The following UBE3C variants were observed in gnomAD, a reference collection of about 807,000 sequenced individuals.
UBE3C encodes the protein ubiquitin-protein ligase E3C.
Under a neutral mutation model 129.4 loss-of-function variants are expected in UBE3C, and 42 were observed. The observed-to-expected ratio is 0.32, with a 90% confidence interval of 0.25 to 0.42. UBE3C has a LOEUF of 0.42. Ranked by LOEUF, UBE3C falls within the 10% of genes least tolerant of loss-of-function variation. UBE3C has a pLI of 1.00. For missense variants in UBE3C, 1,049 were observed against 1,319.1 expected (o/e 0.80, Z 3.17); for synonymous variants, 510 against 492.4 (o/e 1.04, Z -0.47).
At chr7:157,187,339 A>T in intron 10 of UBE3C, among the ~76,000 whole-genome samples, 1 of 150,926 alleles carries the variant, frequency 6.6e-6, no homozygotes, top group East Asian at 1.9e-4. Flanking sequence ...ACTATGTTAC[A>T]TATCTTTTTA....
At position 157,187,662 on chromosome 7, in the gene UBE3C, G is replaced by A. The variant is rs536386487; in HGVS notation, c.1331+641G>A. 2.0e-5 allele frequency among the ~76,000 whole-genome samples: 3 copies of A among 151,440 alleles called. No individual in the cohort carries two copies. In the East Asian group the frequency reaches 5.8e-4, roughly 29 times the overall value. ...GCGATCTCGGCTCACTGTAGGCTCT[G>A]CCCCCCTGGGTTCATGCCATTCTCC... On this transcript the variant is annotated intron_variant, in intron 10 of 22. Transcript: ENST00000348165.
chr7:157,181,526 A>G lies in UBE3C; in HGVS notation c.625A>G (p.Arg209Gly). 6.2e-7 allele frequency: 1 copy of G among 1,601,044 alleles called. No individual in the cohort carries two copies. The highest frequency in any genetic ancestry group is 8.5e-7 in the Non-Finnish European group (1 of 1,175,964). ...LHYMIHNGYY[R>G]SLYLLINSKL... ...TGTGTTTTTCCTTTTAGGGTATTAT[A>G]GGTCTCTATATTTGTTGATTAACAG... Residue 209 changes from arginine to glycine, a missense_variant, in exon 7 of 23, where the codon AGG (arginine) becomes GGG (glycine). Arg to Gly is a moderately radical substitution (Grantham distance 125, BLOSUM62 -2). This residue lies in a region of UBE3C where 489 missense variants were observed against 513.8 expected (regional missense o/e 0.95). Transcript: ENST00000348165.
chr7:157,147,561 T>C (rs937566427), intron 1 of UBE3C, among the ~76,000 whole-genome samples: 3 of 152,224 alleles, frequency 2.0e-5, no homozygotes, highest in Non-Finnish European at 4.4e-5. Flanking sequence ...ATGTGTTTTA[T>C]TGTCTTACTG....
chr7:157,252,730 C>T (rs1796649326), intron 19 of UBE3C, among the ~76,000 whole-genome samples: 1 of 152,158 alleles, frequency 6.6e-6, no homozygotes, highest in Admixed American at 6.5e-5. Flanking sequence ...GTCTGTTACT[C>T]TGGGAATATT....
intron 1 of UBE3C, among the ~76,000 whole-genome samples, chr7:157,160,940 A>G (rs1448809125): frequency 6.6e-6 from 1 of 152,204 alleles, no homozygotes; most frequent in African/African-American, 2.4e-5. Flanking sequence ...ATCTAATGCT[A>G]TCCTTATTTC....
intron 10 of UBE3C, chr7:157,188,942 T>C (rs1380131077): frequency 7.4e-6 from 5 of 671,350 alleles, no homozygotes; most frequent in African/African-American, 3.5e-5. Context: ...TTAACACTGA[T>C]TGTCAGGGTG....
chr7:157,212,008 G>C (rs1393138335), intron 13 of UBE3C, among the ~76,000 whole-genome samples: 1 of 152,214 alleles, frequency 6.6e-6, no homozygotes, highest in African/African-American at 2.4e-5. Context: ...CATGTTCTTA[G>C]AGCTTTTTCT....
chr7:157,191,493 G>T (rs977551856), intron 10 of UBE3C, among the ~76,000 whole-genome samples: 2 of 152,132 alleles, frequency 1.3e-5, no homozygotes, highest in African/African-American at 4.8e-5. Context: ...GTTTTGCCAT[G>T]TTGCCTAGGC....
chr7:157,189,654 T>G (rs1321258913), intron 10 of UBE3C, among the ~76,000 whole-genome samples: 1 of 152,236 alleles, frequency 6.6e-6, no homozygotes, highest in Non-Finnish European at 1.5e-5. Context: ...TTCCTCGTCC[T>G]TCCTTTTCCT....
intron 10 of UBE3C, chr7:157,192,545 C>T (rs1354076205): frequency 5.2e-6 from 4 of 764,430 alleles, no homozygotes; most frequent in Admixed American, 3.4e-5. Flanking sequence ...CTGACTACAA[C>T]ATTCAAAAGG....
chr7:157,264,148 G>C (rs1004054072), intron 22 of UBE3C, among the ~76,000 whole-genome samples: 15 of 146,656 alleles, frequency 1.0e-4, no homozygotes, highest in African/African-American at 3.8e-4. Context: ...CACACACCTG[G>C]TATTACAGGT....
chr7:157,248,760 T>G (rs1245121398), intron 19 of UBE3C, 180 bp downstream of exon 19: 80 of 629,024 alleles, frequency 1.3e-4, no homozygotes, highest in Non-Finnish European at 1.9e-5. Context: ...GCGTCTGAGC[T>G]GAGTGCAGTT....
intron 18 of UBE3C, among the ~76,000 whole-genome samples, chr7:157,241,839 G>A (rs1218565270): frequency 2.2e-4 from 33 of 152,306 alleles, no homozygotes; most frequent in Non-Finnish European, 4.4e-5. Context: ...GTAAAAAGGG[G>A]TAAAGCACTG....
At chr7:157,166,869 C>G (rs917080349) in intron 2 of UBE3C, among the ~76,000 whole-genome samples, 1 of 151,928 alleles carries the variant, frequency 6.6e-6, no homozygotes, top group African/African-American at 2.4e-5. Flanking sequence ...TTTCCAGCAT[C>G]CTTACATTGC....
chr7:157,266,653 A>T (rs1797085704), intron 22 of UBE3C, among the ~76,000 whole-genome samples: 3 of 152,230 alleles, frequency 2.0e-5, no homozygotes, highest in Admixed American at 2.0e-4. Flanking sequence ...TTTCTATTTA[A>T]AAACAGCTTT....
At position 157,268,275 on chromosome 7, in the gene UBE3C, G is replaced by A. The variant is rs950406177; in HGVS notation, c.*520G>A. ...TCTGCTGCCTTTCCCAAAGTGGTTA[G>A]GTTTGGAAAAGAGATGATGATGGTA... On this transcript the variant is annotated 3_prime_UTR_variant, in exon 23 of 23. Transcript: ENST00000348165. 6.6e-6 allele frequency: 1 copy of A among 152,660 alleles called. No individual in the cohort carries two copies. Among genetic ancestry groups the A allele is most frequent in the African/African-American group, 2.4e-5 (1 of 41,438 alleles). The allele number at this position is 152,660 out of a possible 1,614,324, so 9.5% of individuals were successfully genotyped here. A position where few individuals can be genotyped will look rare whatever the true frequency, so the allele number is the denominator to read the frequency against.
chr7:157,142,787 C>G (rs6459735), intron 1 of UBE3C, among the ~76,000 whole-genome samples: 42,174 of 151,862 alleles, frequency 0.28, 8,376 homozygotes, highest in African/African-American at 0.57. Flanking sequence ...CCCAAACCTC[C>G]GCGTCCTGCA....
intron 4 of UBE3C, 47 bp downstream of exon 4, chr7:157,170,497 G>C (rs767998135): frequency 3.5e-5 from 50 of 1,435,912 alleles, no homozygotes; most frequent in African/African-American, 4.4e-5. Context: ...CACGTGTTCT[G>C]CTTTTTTGTT....
intron 19 of UBE3C, among the ~76,000 whole-genome samples, chr7:157,252,569 C>G (rs916734475): frequency 1.3e-5 from 2 of 152,204 alleles, no homozygotes; most frequent in Non-Finnish European, 2.9e-5. Flanking sequence ...TTTGAACATT[C>G]TGTATAAAAT....
Sources: gnomAD v4.1 joint callset for allele counts (sites outside exome capture counted in the v4.1 genomes callset) on GRCh38, gnomAD v4.1.1 for gene constraint, gnomAD v4.1.1 regional missense constraint, MANE v1.5 for transcripts, NCBI Gene and HGNC (gene_info 2026-07-23, HGNC 2026-07-21) for gene names.